DLC1: variants seen among roughly 807,000 people sequenced by gnomAD.
The protein encoded by DLC1 is DLC1 Rho GTPase activating protein.
DLC1 carries 54 observed loss-of-function variants against 140.3 expected under a neutral mutation model. The observed-to-expected ratio is 0.38, with a 90% CI of 0.31 to 0.48. The LOEUF is 0.48. DLC1 is among the 20% of genes least tolerant of loss of function. DLC1 has a pLI of 0.96. For synonymous variants in DLC1, 986 were observed against 728.1 expected (o/e 1.35, Z -5.70); for missense variants, 2,536 against 1,907.0 (o/e 1.33, Z -6.14).
intron 2 of DLC1, among the ~76,000 whole-genome samples, chr8:13,418,138 C>T (rs1009998232): frequency 2.6e-5 from 4 of 152,200 alleles, no homozygotes; most frequent in East Asian, 1.9e-4. Context: ...GAGTAGGCTG[C>T]GAAAATTTTC....
At chr8:13,371,767 A>G (rs1308919532) in intron 4 of DLC1, among the ~76,000 whole-genome samples, 1 of 152,100 alleles carries the variant, frequency 6.6e-6, no homozygotes, top group Non-Finnish European at 1.5e-5. Flanking sequence ...GCTGTGCATT[A>G]GTGTGTTTCC....
intron 2 of DLC1, among the ~76,000 whole-genome samples, chr8:13,463,732 C>G (rs998095381): frequency 6.6e-6 from 1 of 152,174 alleles, no homozygotes; most frequent in Non-Finnish European, 1.5e-5. Context: ...GATGAGGAAA[C>G]AGGAACCTGA....
At chr8:13,280,671 C>G (rs1196895821) in intron 5 of DLC1, among the ~76,000 whole-genome samples, 1 of 152,132 alleles carries the variant, frequency 6.6e-6, no homozygotes, top group Non-Finnish European at 1.5e-5. Flanking sequence ...TTTTCCAAGC[C>G]TGTGTAACAT....
chr8:13,306,571 TGTGTGTGTGTGTGAGAGAGA>T (rs1211110578), intron 4 of DLC1, among the ~76,000 whole-genome samples: 2 of 149,620 alleles, frequency 1.3e-5, no homozygotes, highest in African/African-American at 4.9e-5. Context: ...TGTGTGTGTG[TGTGTGTGTGTGTGAGAGAGA>T]GAGAGAGAGA....
chr8:13,385,741 CTG>C (rs1164904116), intron 4 of DLC1, among the ~76,000 whole-genome samples: 2 of 152,194 alleles, frequency 1.3e-5, no homozygotes, highest in Non-Finnish European at 2.9e-5. Flanking sequence ...AGAAGGCCCT[CTG>C]TGTAAACTTT....
At chr8:13,386,525 C>G (rs889687278) in intron 4 of DLC1, among the ~76,000 whole-genome samples, 5 of 152,052 alleles carry the variant, frequency 3.3e-5, no homozygotes, top group African/African-American at 4.8e-5. Context: ...CCATCACAGA[C>G]AAGACTGTCT....
At chr8:13,103,570 G>T (rs1340065661) in intron 7 of DLC1, among the ~76,000 whole-genome samples, 1 of 151,786 alleles carries the variant, frequency 6.6e-6, no homozygotes, top group Non-Finnish European at 1.5e-5. Context: ...TCGGCACGGT[G>T]GCTCATGCCT....
chr8:13,303,245 T>G (rs996078620), intron 5 of DLC1, among the ~76,000 whole-genome samples: 3 of 152,214 alleles, frequency 2.0e-5, no homozygotes, highest in Non-Finnish European at 4.4e-5. Flanking sequence ...CTCAAATCAG[T>G]CCATCCTGAG....
chr8:13,597,657 C>G (rs560981073), intron 1 of DLC1, among the ~76,000 whole-genome samples: 1 of 151,950 alleles, frequency 6.6e-6, no homozygotes, highest in Non-Finnish European at 1.5e-5. Context: ...GGGATGCACA[C>G]ACATGGGAGG....
rs1818852168 is a variant in DLC1 at position 13,099,736 on chromosome 8, A to G, written c.2601T>C (p.Asn867=). Residue 867 remains asparagine (N), a synonymous_variant, in exon 9 of 18, where the codon AAT becomes AAC. Coordinates refer to ENST00000276297, the MANE Select transcript of DLC1 (RefSeq NM_182643.3). ...GGCGGCTGCTCATGGAGCTGGAAGA[A>G]TTGCGTCTCTTCAGTTCCTTGGGGC... ...SDSPKELKRR[N]SSSSMSSRLS... 7 of 1,614,062 alleles carry G rather than the reference A, an allele frequency of 4.3e-6. No homozygotes were observed. The African/African-American group carries it at 8.0e-5, about 18-fold the overall frequency.
At chr8:13,545,602 C>T (rs1451980209) in intron 1 of DLC1, among the ~76,000 whole-genome samples, 3 of 151,926 alleles carry the variant, frequency 2.0e-5, no homozygotes, top group Admixed American at 2.0e-4. Context: ...GTGTAATATA[C>T]TTTGTCAGTT....
intron 4 of DLC1, among the ~76,000 whole-genome samples, chr8:13,373,846 AAG>A (rs1401441159): frequency 2.0e-5 from 3 of 152,206 alleles, no homozygotes; most frequent in Non-Finnish European, 2.9e-5. Flanking sequence ...ACAAATAAAA[AAG>A]AGAAAAACTT....
intron 10 of DLC1, among the ~76,000 whole-genome samples, chr8:13,097,040 C>T (rs1004806980): frequency 1.3e-5 from 2 of 152,076 alleles, no homozygotes; most frequent in East Asian, 3.9e-4. Flanking sequence ...TTACAGCCTA[C>T]CCCTCACATT....
At chr8:13,150,020 C>A (rs1035620684) in intron 5 of DLC1, among the ~76,000 whole-genome samples, 1 of 152,296 alleles carries the variant, frequency 6.6e-6, no homozygotes, top group South Asian at 2.1e-4. Flanking sequence ...TTACATCAGC[C>A]ATTTGTCTCT....
intron 2 of DLC1, among the ~76,000 whole-genome samples, chr8:13,442,486 C>A (rs137984626): frequency 0.02 from 2,970 of 152,218 alleles, 66 homozygotes; most frequent in Non-Finnish European, 0.023. Flanking sequence ...AGAATCTACA[C>A]TGAACTCAAA....
At chr8:13,420,274 G>A (rs1838255714) in intron 2 of DLC1, among the ~76,000 whole-genome samples, 1 of 152,180 alleles carries the variant, frequency 6.6e-6, no homozygotes, top group Non-Finnish European at 1.5e-5. Flanking sequence ...CTGGAATGTA[G>A]TGTGTGTCTC....
chr8:13,552,506 T>C (rs1048379082), intron 1 of DLC1, among the ~76,000 whole-genome samples: 3 of 151,252 alleles, frequency 2.0e-5, no homozygotes, highest in Non-Finnish European at 4.4e-5. Context: ...TTTAATCTTA[T>C]GATAGAAGTA....
intron 5 of DLC1, among the ~76,000 whole-genome samples, chr8:13,291,160 C>T (rs2117461480): frequency 6.6e-6 from 1 of 152,328 alleles, no homozygotes; most frequent in South Asian, 2.1e-4. Context: ...CTGCCCGCCT[C>T]AGCCTCCCAA....
At chr8:13,365,947 C>T (rs755540125) in intron 4 of DLC1, among the ~76,000 whole-genome samples, 4 of 152,056 alleles carry the variant, frequency 2.6e-5, no homozygotes, top group East Asian at 3.9e-4. Flanking sequence ...TTTCATCTTC[C>T]GCAAAGAGAG....
Sources: gnomAD v4.1 joint callset for allele counts (sites outside exome capture counted in the v4.1 genomes callset) on GRCh38, gnomAD v4.1.1 for gene constraint, MANE v1.5 for transcripts, NCBI Gene and HGNC (gene_info 2026-07-23, HGNC 2026-07-21) for gene names.